Variants in NPAS3 observed in about 807,000 individuals in gnomAD.
The protein encoded by NPAS3 is neuronal PAS domain protein 3, also known as neuronal PAS domain-containing protein 3.
In NPAS3, 14 loss-of-function variants were observed where a neutral mutation model predicts 73.1. That is an observed-to-expected ratio of 0.19 (90% confidence interval 0.13 to 0.30). NPAS3 has a LOEUF of 0.30. Ranked by LOEUF, NPAS3 falls within the 10% of genes least tolerant of loss-of-function variation. NPAS3 has a pLI of 1.00. For missense variants in NPAS3, 1,096 were observed against 1,250.0 expected, an observed-to-expected ratio of 0.88 and a Z score of 1.86; for synonymous variants, 620 against 541.5, an observed-to-expected ratio of 1.14 and a Z score of -2.01.
At chr14:33,390,529 C>G (rs1291365899) in intron 4 of NPAS3, among the ~76,000 whole-genome samples, 2 of 152,166 alleles carry the variant, frequency 1.3e-5, no homozygotes, top group African/African-American at 4.8e-5. Flanking sequence ...ACCTCATCCC[C>G]CTATTACATT....
intron 7 of NPAS3, among the ~76,000 whole-genome samples, chr14:33,765,662 T>A (rs765444211): frequency 6.6e-6 from 1 of 152,256 alleles, no homozygotes; most frequent in African/African-American, 2.4e-5. Flanking sequence ...AGGATTTTTT[T>A]AAGTACAGCT....
At position 33,627,026 on chromosome 14, in the gene NPAS3, G is replaced by GTA. The variant is rs146999283; in HGVS notation, c.559-49173_559-49172dup. On this transcript the variant is annotated intron_variant, in intron 5 of 11. Coordinates refer to ENST00000356141, the Ensembl canonical transcript of NPAS3. ...ATTTGAGTATTATATATATTTATAC[G>GTA]TATATATATATATGCATTATTGTCA... Among the ~76,000 whole-genome samples, 1,232 of 150,642 alleles carry GTA rather than the reference G, an allele frequency of 8.2e-3. 15 individuals are homozygous for GTA. Among genetic ancestry groups the GTA allele is most frequent in the African/African-American group, 0.026 (1,077 of 41,092 alleles).
At chr14:33,160,620 C>T (rs775564855) in intron 2 of NPAS3, among the ~76,000 whole-genome samples, 29 of 149,952 alleles carry the variant, frequency 1.9e-4, no homozygotes, top group Non-Finnish European at 3.5e-4. Flanking sequence ...TGCACATGTA[C>T]CCTAAAACTT....
chr14:33,451,525 T>C (rs1286687309), intron 4 of NPAS3, among the ~76,000 whole-genome samples: 1 of 152,230 alleles, frequency 6.6e-6, no homozygotes, highest in Non-Finnish European at 1.5e-5. Context: ...TTTATTTTCC[T>C]CTCTCTCGAT....
chr14:33,791,374 C>T (rs1397946501), intron 9 of NPAS3, among the ~76,000 whole-genome samples: 1 of 152,162 alleles, frequency 6.6e-6, no homozygotes, highest in Non-Finnish European at 1.5e-5. Context: ...GCTAGCTGAC[C>T]CTTGGCCTGG....
At chr14:32,960,828 A>G (rs1361162730) in intron 1 of NPAS3, among the ~76,000 whole-genome samples, 1 of 152,220 alleles carries the variant, frequency 6.6e-6, no homozygotes, top group Non-Finnish European at 1.5e-5. Context: ...AACCTGCAAT[A>G]AGACAGCTTT....
At chr14:33,161,829 T>C (rs1231942702) in intron 2 of NPAS3, among the ~76,000 whole-genome samples, 1 of 152,062 alleles carries the variant, frequency 6.6e-6, no homozygotes, top group Non-Finnish European at 1.5e-5. Flanking sequence ...CAAGTAGGGG[T>C]TGAGGTAGAG....
intron 1 of NPAS3, among the ~76,000 whole-genome samples, chr14:33,047,233 C>T (rs1412333970): frequency 6.6e-6 from 1 of 152,044 alleles, no homozygotes; most frequent in Non-Finnish European, 1.5e-5. Flanking sequence ...ATTAATAAGC[C>T]AACCAATTTT....
intron 11 of NPAS3, among the ~76,000 whole-genome samples, chr14:33,797,931 C>G (rs555222993): frequency 6.6e-6 from 1 of 151,736 alleles, no homozygotes; most frequent in Non-Finnish European, 1.5e-5. Flanking sequence ...TGAGATCTGA[C>G]AGATCTCTTT....
At chr14:33,497,620 G>A (rs959492375) in intron 4 of NPAS3, among the ~76,000 whole-genome samples, 1 of 152,100 alleles carries the variant, frequency 6.6e-6, no homozygotes, top group Non-Finnish European at 1.5e-5. Context: ...TATAACAAAT[G>A]GTGTTGAGAA....
At chr14:33,672,746 G>A (rs915637137) in intron 5 of NPAS3, among the ~76,000 whole-genome samples, 2 of 151,852 alleles carry the variant, frequency 1.3e-5, no homozygotes, top group Non-Finnish European at 2.9e-5. Context: ...GAAAAGTGGT[G>A]GACTGAGAAT....
At chr14:33,182,277 G>T (rs1283261075) in intron 2 of NPAS3, among the ~76,000 whole-genome samples, 1 of 151,980 alleles carries the variant, frequency 6.6e-6, no homozygotes, top group Non-Finnish European at 1.5e-5. Context: ...TTTTTTTCTG[G>T]ATGTTCAACA....
At chr14:33,777,571 A>C (rs562133741) in intron 8 of NPAS3, among the ~76,000 whole-genome samples, 31 of 152,054 alleles carry the variant, frequency 2.0e-4, no homozygotes, top group Admixed American at 1.7e-3. Context: ...AAAAAAAAAA[A>C]ACACATGAAG....
intron 6 of NPAS3, among the ~76,000 whole-genome samples, chr14:33,704,186 AGAAT>A (rs1397472161): frequency 6.6e-6 from 1 of 152,254 alleles, no homozygotes; most frequent in Non-Finnish European, 1.5e-5. Flanking sequence ...TTAGGAATAA[AGAAT>A]GAAGTCATGT....
intron 5 of NPAS3, among the ~76,000 whole-genome samples, chr14:33,605,884 G>A (rs780368124): frequency 2.0e-5 from 3 of 151,996 alleles, no homozygotes; most frequent in Non-Finnish European, 4.4e-5. Flanking sequence ...AAAATTCACA[G>A]GGGTATGCAA....
At chr14:33,736,660 C>T (rs1311636577) in intron 7 of NPAS3, among the ~76,000 whole-genome samples, 1 of 152,090 alleles carries the variant, frequency 6.6e-6, no homozygotes, top group Non-Finnish European at 1.5e-5. Flanking sequence ...TATTTTAATG[C>T]TAGAAAGACA....
At chr14:33,690,014 G>A (rs1233122973) in intron 6 of NPAS3, among the ~76,000 whole-genome samples, 1 of 152,058 alleles carries the variant, frequency 6.6e-6, no homozygotes, top group Non-Finnish European at 1.5e-5. Flanking sequence ...TGTATATGAC[G>A]TGCTTGACCG....
chr14:33,683,200 C>T (rs1288164342), intron 6 of NPAS3, among the ~76,000 whole-genome samples: 1 of 151,994 alleles, frequency 6.6e-6, no homozygotes, highest in Admixed American at 6.6e-5. Context: ...TCAAAATATA[C>T]AGTAGGTTCT....
intron 1 of NPAS3, among the ~76,000 whole-genome samples, chr14:33,019,018 A>G (rs2039495206): frequency 6.6e-6 from 1 of 152,102 alleles, no homozygotes; most frequent in Non-Finnish European, 1.5e-5. Context: ...TTCATTTTAG[A>G]ACTTGGGTTT....
Sources: gnomAD v4.1 joint callset for allele counts (sites outside exome capture counted in the v4.1 genomes callset) on GRCh38, gnomAD v4.1.1 for gene constraint, MANE v1.5 for transcripts, NCBI Gene and HGNC (gene_info 2026-07-23, HGNC 2026-07-21) for gene names.